The following CSE1L variants were observed in gnomAD, a reference collection of about 807,000 sequenced individuals.
CSE1L encodes chromosome segregation 1 like, also known as exportin-2.
CSE1L carries 24 observed loss-of-function variants against 120.4 expected under a neutral mutation model. The observed-to-expected ratio is 0.20, with a 90% confidence interval of 0.14 to 0.28. CSE1L has a LOEUF of 0.28. Among genes scored for constraint, CSE1L ranks in the 10% least tolerant of loss-of-function variants. The probability of loss-of-function intolerance (pLI) is 1.00; values close to 1 mark genes in which losing one functional copy is unlikely to be tolerated. For synonymous variants in CSE1L, 402 were observed against 398.3 expected (o/e 1.01, Z -0.11); for missense variants, 830 against 1,145.2 (o/e 0.72, Z 3.97).
intron 17 of CSE1L, among the ~76,000 whole-genome samples, chr20:49,088,437 G>C (rs6066963): frequency 2.6e-5 from 4 of 152,214 alleles, no homozygotes; most frequent in Non-Finnish European, 5.9e-5. Context: ...AAAAGAGGCT[G>C]TCTGGACTTC....
chr20:49,084,004 T>C (rs773423458), intron 14 of CSE1L, 22 bp from the exon 15 acceptor site: 62 of 1,601,460 alleles, frequency 3.9e-5, no homozygotes, highest in Non-Finnish European at 5.2e-5. Flanking sequence ...ATTTAGAGCA[T>C]GTATATTATT....
At chr20:49,046,762 C>G (rs1449553810) in intron 1 of CSE1L, among the ~76,000 whole-genome samples, 3 of 151,826 alleles carry the variant, frequency 2.0e-5, no homozygotes, top group Non-Finnish European at 3.0e-5. Context: ...GCGCCGCCGC[C>G]TCTCCGCTCG....
chr20:49,074,606 C>G (rs1319718957), intron 10 of CSE1L, among the ~76,000 whole-genome samples, 179 bp from the exon 11 acceptor site: 1 of 152,134 alleles, frequency 6.6e-6, no homozygotes, highest in Non-Finnish European at 1.5e-5. Flanking sequence ...TAATACCTCA[C>G]CTTTCAGGGT....
chr20:49,066,323 C>G (rs181128748), intron 4 of CSE1L, 30 bp downstream of exon 4: 9 of 1,614,052 alleles, frequency 5.6e-6, no homozygotes, highest in Non-Finnish European at 5.1e-6. Flanking sequence ...TAGATGGGCT[C>G]CTCTGTAAAG....
At chr20:49,084,841 C>G (rs1412815029) in intron 15 of CSE1L, among the ~76,000 whole-genome samples, 5 of 152,148 alleles carry the variant, frequency 3.3e-5, no homozygotes, top group Non-Finnish European at 7.3e-5. Flanking sequence ...TACAGATACT[C>G]TCAGTGGCCA....
chr20:49,071,572 C>G (rs36098998), intron 8 of CSE1L, among the ~76,000 whole-genome samples: 33,002 of 152,068 alleles, frequency 0.22, 3,718 homozygotes, highest in Non-Finnish European at 0.24. Flanking sequence ...CAGCTTCGAC[C>G]TCCCTGGGCT....
At chr20:49,078,738 G>T in intron 14 of CSE1L, 116 bp downstream of exon 14, 2 of 637,336 alleles carry the variant, frequency 3.1e-6, no homozygotes, top group South Asian at 2.5e-5. Flanking sequence ...AATTAACAAT[G>T]ATTTCTTTAT....
chr20:49,059,234 C>A (rs770753658), intron 2 of CSE1L, among the ~76,000 whole-genome samples: 1 of 151,856 alleles, frequency 6.6e-6, no homozygotes, highest in East Asian at 1.9e-4. Flanking sequence ...TAATCAGTTA[C>A]TGTCTCTTAA....
rs779590206 is a variant in CSE1L, at chr20:49,074,862, G to A, written c.1132+12G>A. 5 of 1,604,628 alleles carry A rather than the reference G, an allele frequency of 3.1e-6. No homozygotes were observed. The Admixed American group carries it at 6.9e-5, about 22-fold the overall frequency. On this transcript the variant is annotated intron_variant, in intron 11 of 24. Transcript: ENST00000262982. The stretch of plus-strand genomic sequence containing the variant: ...TTTGGAAGGATCTGGTGTGTATCTT[G>A]GTTTTTTAGTTACTAGTCTCTTAGC...
intron 14 of CSE1L, among the ~76,000 whole-genome samples, chr20:49,079,598 T>G (rs2091995016): frequency 6.6e-6 from 1 of 152,006 alleles, no homozygotes; most frequent in African/African-American, 2.4e-5. Context: ...CATTTTACTT[T>G]TGGCTGATTG....
intron 14 of CSE1L, among the ~76,000 whole-genome samples, chr20:49,083,134 T>C (rs1182064068): frequency 2.0e-5 from 3 of 151,904 alleles, no homozygotes; most frequent in Admixed American, 2.0e-4. Flanking sequence ...AAGCCATTCT[T>C]CTGCCTCAGC....
intron 1 of CSE1L, among the ~76,000 whole-genome samples, chr20:49,050,975 A>T (rs778952176): frequency 6.6e-5 from 10 of 152,268 alleles, no homozygotes; most frequent in Non-Finnish European, 1.5e-4. Context: ...AAAGGTATCT[A>T]GCTTTTTAAA....
At chr20:49,072,501 C>G in intron 9 of CSE1L, 48 bp downstream of exon 9, 3 of 1,607,456 alleles carry the variant, frequency 1.9e-6, no homozygotes, top group Non-Finnish European at 2.6e-6. Context: ...CTCTCCCTAT[C>G]TCCTCCAAGA....
At chr20:49,083,915 C>A in intron 14 of CSE1L, 111 bp from the exon 15 acceptor site, 1 of 1,159,362 alleles carries the variant, frequency 8.6e-7, no homozygotes, top group Non-Finnish European at 1.2e-6. Context: ...TATAACAGAG[C>A]TTAAAAATAG....
intron 14 of CSE1L, among the ~76,000 whole-genome samples, chr20:49,080,917 T>C (rs1332566184): frequency 6.6e-6 from 1 of 152,090 alleles, no homozygotes; most frequent in Non-Finnish European, 1.5e-5. Context: ...GCCAAGACTA[T>C]AGGTGTGTGC....
chr20:49,088,921 A>G (rs1482856198), intron 17 of CSE1L, among the ~76,000 whole-genome samples: 2 of 152,194 alleles, frequency 1.3e-5, no homozygotes, highest in East Asian at 3.9e-4. Context: ...GTAAGTAGAC[A>G]TAGACATTGA....
chr20:49,053,764 T>C (rs369188720), intron 1 of CSE1L, among the ~76,000 whole-genome samples: 106 of 152,324 alleles, frequency 7.0e-4, no homozygotes, highest in African/African-American at 2.4e-3. Flanking sequence ...AAAGGAGTTC[T>C]ATAGCCAAAT....
chr20:49,063,861 T>C (rs2091870500), intron 3 of CSE1L, among the ~76,000 whole-genome samples: 2 of 152,242 alleles, frequency 1.3e-5, no homozygotes, highest in South Asian at 4.1e-4. Flanking sequence ...AGATTTCAAC[T>C]TTTTGATAAG....
intron 21 of CSE1L, among the ~76,000 whole-genome samples, chr20:49,091,641 T>A (rs2092101920): frequency 6.6e-6 from 1 of 152,072 alleles, no homozygotes; most frequent in African/African-American, 2.4e-5. Context: ...GAGGATCACT[T>A]GACCCTGGGA....
Sources: allele counts gnomAD v4.1 joint callset (sites outside exome capture counted in the v4.1 genomes callset), GRCh38; gene constraint gnomAD v4.1.1; transcripts MANE v1.5; gene names NCBI Gene and HGNC (gene_info 2026-07-23, HGNC 2026-07-21).